Variants in ITGBL1 observed in about 807,000 individuals in gnomAD.
The protein encoded by ITGBL1 is integrin subunit beta like 1, also known as integrin beta-like protein 1.
In ITGBL1, 51 loss-of-function variants were observed where a neutral mutation model predicts 68.5. The ratio of observed to expected loss-of-function variants is 0.74; its 90% CI spans 0.59 to 0.94. The LOEUF (loss-of-function observed/expected upper bound fraction) is 0.94. ITGBL1 is among the 40% of genes least tolerant of loss of function. ITGBL1 has a pLI of 0.00. For missense variants in ITGBL1, 649 were observed against 647.4 expected, an observed-to-expected ratio of 1.00 and a Z score of -0.03; for synonymous variants, 209 against 227.3, an observed-to-expected ratio of 0.92 and a Z score of 0.72.
At chr13:101,563,767 G>T (rs1048949408) in intron 2 of ITGBL1, among the ~76,000 whole-genome samples, 2 of 151,772 alleles carry the variant, frequency 1.3e-5, no homozygotes, top group African/African-American at 4.8e-5. Context: ...AAAACTAGGA[G>T]ATTAGAGAAT....
chr13:101,500,517 ATTC>A (rs1285327103), intron 2 of ITGBL1, among the ~76,000 whole-genome samples: 5 of 152,358 alleles, frequency 3.3e-5, no homozygotes, highest in African/African-American at 1.2e-4. Context: ...AGAGATTATT[ATTC>A]TTTCAAATTA....
At chr13:101,718,778 C>T (rs2034816557), downstream of ITGBL1, 2 of 147,158 alleles carry the variant, frequency 1.4e-5, no homozygotes, top group African/African-American at 5.1e-5. Context: ...TAGTGAAAAC[C>T]AGGAAAAAAA....
Position 101,602,106 on chromosome 13 carries a change from A to C in ITGBL1, c.1015+3807A>C, listed in dbSNP as rs937135030. ...GGTATGTTCAATTTCAGTTCAGTTC[A>C]GTTCAATGTTACATTAAAAAACACA... On this transcript the variant is annotated intron_variant, in intron 7 of 10. Coordinates refer to ENST00000376180, the MANE Select transcript of ITGBL1 (RefSeq NM_004791.3). 7.2e-5 allele frequency among the ~76,000 whole-genome samples: 11 copies of C among 152,166 alleles called. No individual in the cohort carries two copies. The East Asian group carries it at 1.9e-3, about 27-fold the overall frequency.
At chr13:101,676,073 ATATTT>A (rs961648134) in intron 7 of ITGBL1, among the ~76,000 whole-genome samples, 17 of 107,330 alleles carry the variant, frequency 1.6e-4, no homozygotes, top group Non-Finnish European at 3.2e-4. Flanking sequence ...AAAGTAATAG[ATATTT>A]TAGTCAATGA....
chr13:101,699,019 AAGG>A (rs2034070738), intron 8 of ITGBL1, among the ~76,000 whole-genome samples: 1 of 152,170 alleles, frequency 6.6e-6, no homozygotes, highest in Admixed American at 6.5e-5. Flanking sequence ...CTGCAATTTG[AAGG>A]AGATCATGCC....
intron 2 of ITGBL1, among the ~76,000 whole-genome samples, chr13:101,510,433 C>A (rs554305306): frequency 6.6e-6 from 1 of 151,942 alleles, no homozygotes; most frequent in Admixed American, 6.6e-5. Context: ...AGGTTGATTC[C>A]GTGTTTTTGC....
intron 3 of ITGBL1, among the ~76,000 whole-genome samples, chr13:101,570,591 A>C (rs1173402558): frequency 6.6e-6 from 1 of 152,200 alleles, no homozygotes; most frequent in Non-Finnish European, 1.5e-5. Context: ...ACAATGATTC[A>C]TGAATCAGGC....
At chr13:101,461,315 T>C (rs1290824523) in intron 2 of ITGBL1, among the ~76,000 whole-genome samples, 1 of 152,154 alleles carries the variant, frequency 6.6e-6, no homozygotes, top group Non-Finnish European at 1.5e-5. Context: ...CAAAAGCTGC[T>C]CAGCTCTCTG....
intron 2 of ITGBL1, among the ~76,000 whole-genome samples, chr13:101,553,441 C>A (rs1161618412): frequency 1.3e-5 from 2 of 152,116 alleles, no homozygotes; most frequent in Non-Finnish European, 2.9e-5. Context: ...AAACTGCAAA[C>A]TCAGAAACGC....
chr13:101,486,115 TA>T (rs201787108), intron 2 of ITGBL1, among the ~76,000 whole-genome samples: 48 of 137,880 alleles, frequency 3.5e-4, no homozygotes, highest in South Asian at 1.2e-3. Context: ...AACGAGTGGA[TA>T]AAAAAAAAAT....
intron 2 of ITGBL1, among the ~76,000 whole-genome samples, chr13:101,543,382 G>T (rs1377646217): frequency 3.9e-5 from 6 of 152,048 alleles, no homozygotes; most frequent in African/African-American, 1.4e-4. Context: ...GTTGAATATT[G>T]GCCCCCACCC....
rs201400026 is a variant in ITGBL1 at position 101,668,110 on chromosome 13, A to G, written c.1016-24475A>G. Among the ~76,000 whole-genome samples, 3 of 152,166 alleles carry G rather than the reference A, an allele frequency of 2.0e-5. No homozygotes were observed. The East Asian group carries it at 5.8e-4, about 29-fold the overall frequency. ...TAAAACTATAAATTCAGCTTAGGCC[A>G]GGTGCAGTTGCTCATGCCTGTAATC... On this transcript the variant is annotated intron_variant, in intron 7 of 10. Transcript: ENST00000376180.
intron 2 of ITGBL1, among the ~76,000 whole-genome samples, chr13:101,470,241 T>A (rs1288955877): frequency 6.6e-6 from 1 of 152,194 alleles, no homozygotes; most frequent in Non-Finnish European, 1.5e-5. Flanking sequence ...ATTTAAGAAC[T>A]TTCATATCCA....
At chr13:101,460,090 T>C (rs2048297874) in intron 2 of ITGBL1, among the ~76,000 whole-genome samples, 1 of 152,070 alleles carries the variant, frequency 6.6e-6, no homozygotes, top group African/African-American at 2.4e-5. Context: ...TCTTTACTAG[T>C]CTTTTTCTAT....
At chr13:101,453,744 G>A (rs2048195762) in intron 1 of ITGBL1, 139 bp from the exon 2 acceptor site, 1 of 430,400 alleles carries the variant, frequency 2.3e-6, no homozygotes, top group Non-Finnish European at 3.7e-6. Context: ...GGACCCCAGA[G>A]AGATGTGGGC....
At chr13:101,480,098 A>C (rs956371746) in intron 2 of ITGBL1, among the ~76,000 whole-genome samples, 2 of 152,130 alleles carry the variant, frequency 1.3e-5, no homozygotes, top group African/African-American at 4.8e-5. Context: ...CAGTTAAAGA[A>C]AATGTGGTAT....
intron 7 of ITGBL1, among the ~76,000 whole-genome samples, chr13:101,611,176 C>G (rs531800502): frequency 6.6e-6 from 1 of 152,244 alleles, no homozygotes; most frequent in Admixed American, 6.5e-5. Context: ...GCAGAGCTCT[C>G]TATGTCATAA....
At chr13:101,529,884 A>G (rs1346155580) in intron 2 of ITGBL1, among the ~76,000 whole-genome samples, 1 of 152,214 alleles carries the variant, frequency 6.6e-6, no homozygotes, top group Non-Finnish European at 1.5e-5. Flanking sequence ...AGTCTCAGGT[A>G]GTTCTTTTTG....
chr13:101,521,947 T>C (rs2050453), intron 2 of ITGBL1, among the ~76,000 whole-genome samples: 56,000 of 151,566 alleles, frequency 0.37, 10,919 homozygotes, highest in Non-Finnish European at 0.43. Context: ...GAGGCATCTC[T>C]CCTTGGCTAA....
Sources: allele counts gnomAD v4.1 joint callset (sites outside exome capture counted in the v4.1 genomes callset), GRCh38; gene constraint gnomAD v4.1.1; transcripts MANE v1.5; gene names NCBI Gene and HGNC (gene_info 2026-07-23, HGNC 2026-07-21).